Variants in LDB3 observed in about 807,000 individuals in gnomAD.
LDB3 encodes LIM domain binding 3, also known as LIM domain-binding protein 3.
LDB3 carries 49 observed loss-of-function variants against 69.0 expected under a neutral mutation model. The ratio of observed to expected loss-of-function variants is 0.71; its 90% CI spans 0.56 to 0.90. LDB3 has a LOEUF of 0.90. Ranked by LOEUF, LDB3 falls within the 40% of genes least tolerant of loss-of-function variation. The probability of loss-of-function intolerance (pLI) is 0.00; values close to 1 mark genes in which losing one functional copy is unlikely to be tolerated. For missense variants in LDB3, 928 were observed against 974.1 expected, an observed-to-expected ratio of 0.95 and a Z score of 0.63; for synonymous variants, 387 against 396.2, an observed-to-expected ratio of 0.98 and a Z score of 0.28.
intron 5 of LDB3, among the ~76,000 whole-genome samples, chr10:86,690,745 AG>A (rs1444666044): frequency 6.6e-6 from 1 of 152,264 alleles, no homozygotes; most frequent in Non-Finnish European, 1.5e-5. Flanking sequence ...GCATCTTTCC[AG>A]GCATAGGTCC....
intron 12 of LDB3, among the ~76,000 whole-genome samples, chr10:86,722,800 C>T (rs1023710583): frequency 2.0e-5 from 3 of 151,372 alleles, no homozygotes; most frequent in African/African-American, 7.3e-5. Context: ...AACTCCTGAC[C>T]TCGTGATCTA....
chr10:86,679,243 G>T, intron 2 of LDB3, 124 bp from the exon 3 acceptor site: 3 of 1,185,658 alleles, frequency 2.5e-6, no homozygotes, highest in Non-Finnish European at 3.7e-6. Flanking sequence ...GGTACTGGCC[G>T]TAGCGAATGA....
At chr10:86,696,141 T>TC (rs2048571061) in intron 7 of LDB3, among the ~76,000 whole-genome samples, 1 of 151,896 alleles carries the variant, frequency 6.6e-6, no homozygotes, top group Non-Finnish European at 1.5e-5. Context: ...GCTCACTGGC[T>TC]CCCCCTCTTC....
intron 13 of LDB3, among the ~76,000 whole-genome samples, chr10:86,727,126 T>G (rs1242519475): frequency 1.3e-5 from 2 of 151,858 alleles, no homozygotes; most frequent in African/African-American, 4.8e-5. Flanking sequence ...GTTCAAGCGA[T>G]TCTTCTGCTT....
At chr10:86,715,370 G>C (rs1439187977) in intron 9 of LDB3, among the ~76,000 whole-genome samples, 1 of 152,188 alleles carries the variant, frequency 6.6e-6, no homozygotes, top group African/African-American at 2.4e-5. Flanking sequence ...GCTGGACCTT[G>C]CCTGCAGGGT....
chr10:86,713,714 A>G (rs1049039829), intron 9 of LDB3, among the ~76,000 whole-genome samples: 3 of 152,190 alleles, frequency 2.0e-5, no homozygotes, highest in Admixed American at 6.5e-5. Context: ...TTCTTCCCCC[A>G]GCATTTTGAT....
At chr10:86,695,830 G>T (rs1382877939) in intron 7 of LDB3, among the ~76,000 whole-genome samples, 5 of 152,202 alleles carry the variant, frequency 3.3e-5, no homozygotes, top group Non-Finnish European at 5.9e-5. Flanking sequence ...GCTTGGATCT[G>T]CGAGGCATCT....
chr10:86,716,193 T>A, intron 9 of LDB3, 134 bp from the exon 10 acceptor site: 1 of 994,966 alleles, frequency 1.0e-6, no homozygotes, highest in South Asian at 1.4e-5. Flanking sequence ...CAGGAACAAG[T>A]CTCCCAAAAA....
In LDB3 at chr10:86,697,215, C is replaced by CTTTTTT. The variant is rs34215720; in HGVS notation, c.896+4663_896+4668dup. Among the ~76,000 whole-genome samples the CTTTTTT allele has an allele frequency of 1.8e-3, 141 of 77,818 alleles. 1 individual carries two copies. Among genetic ancestry groups the CTTTTTT allele is most frequent in the South Asian group, 4.2e-3 (7 of 1,684 alleles). The allele number at this position is 77,818 out of a possible 152,430, so 51.1% of individuals were successfully genotyped here. On this transcript the variant is annotated intron_variant, in intron 7 of 13. Coordinates refer to ENST00000361373, the MANE Select transcript of LDB3 (RefSeq NM_007078.3). ...CTGATTTTTATATGCTAGCAATTCA[C>CTTTTTT]TTTTTTTTTTTTTTTTTTTTTTTTG... is the stretch of plus-strand genomic sequence containing the variant.
At chr10:86,716,969 C>T (rs1846902041) in intron 10 of LDB3, among the ~76,000 whole-genome samples, 198 bp downstream of exon 10, 1 of 152,194 alleles carries the variant, frequency 6.6e-6, no homozygotes, top group South Asian at 2.1e-4. Flanking sequence ...CCCACTCTCC[C>T]AGGGAGCTGG....
At position 86,681,582 on chromosome 10, in the gene LDB3, C is replaced by T. The variant is rs374233873; in HGVS notation, c.468C>T (p.Ala156=). Residue 156 remains alanine (A), a synonymous_variant, in exon 5 of 14, where the codon GCC becomes GCT. Transcript: ENST00000361373. ...GGCCCTCCGCCTTCTCCTCACTCGCCGAGGCCTCTGACCCTGGCCCTCCGC... is the reference window on the plus strand; with the variant it reads ...GGCCCTCCGCCTTCTCCTCACTCGCTGAGGCCTCTGACCCTGGCCCTCCGC... ...FSRPSAFSSL[A]EASDPGPPRA... is the part of the protein sequence containing the mutation. The T allele has an allele frequency of 2.0e-5, 33 of 1,612,920 alleles. No homozygotes were observed. The highest frequency in any genetic ancestry group is 6.6e-5 in the South Asian group (6 of 91,082).
chr10:86,689,211 A>C (rs1297188038), intron 5 of LDB3, among the ~76,000 whole-genome samples: 1 of 151,938 alleles, frequency 6.6e-6, no homozygotes, highest in African/African-American at 2.4e-5. Context: ...CCCCTCTGCT[A>C]TCCCATGATG....
chr10:86,679,752 TG>T (rs1845008234), intron 3 of LDB3, among the ~76,000 whole-genome samples: 1 of 152,256 alleles, frequency 6.6e-6, no homozygotes, highest in African/African-American at 2.4e-5. Context: ...ATGGTGGTCC[TG>T]GTGCTGCCCG....
rs939286755 is a variant in LDB3, at chr10:86,669,839, C to T, written c.93+1055C>T. On this transcript the variant is annotated intron_variant, in intron 2 of 13. Transcript: ENST00000361373. ...TGGTAGGTAGGCAGGGGTATCTGGGCTACTGCCCACCAGGGGAACAAGGGG... is the reference window on the plus strand; with the variant it reads ...TGGTAGGTAGGCAGGGGTATCTGGGTTACTGCCCACCAGGGGAACAAGGGG... 9.2e-5 allele frequency among the ~76,000 whole-genome samples: 14 copies of T among 152,198 alleles called. No individual in the cohort carries two copies. In the South Asian group the frequency reaches 1.7e-3, roughly 18 times the overall value.
At chr10:86,670,731 G>T (rs939769710) in intron 2 of LDB3, among the ~76,000 whole-genome samples, 2 of 152,224 alleles carry the variant, frequency 1.3e-5, no homozygotes, top group Non-Finnish European at 2.9e-5. Context: ...CCCGAAGCTC[G>T]GGCAGGGCAC....
intron 7 of LDB3, among the ~76,000 whole-genome samples, chr10:86,693,349 G>A (rs1372404462): frequency 6.6e-6 from 1 of 152,216 alleles, no homozygotes; most frequent in East Asian, 1.9e-4. Context: ...TCATCTGCAT[G>A]TTCTTCCCGG....
At position 86,679,461 on chromosome 10, in the gene LDB3, T is replaced by C; in HGVS notation, c.188T>C (p.Leu63Pro). ...GTCAACACAGACACCATGACCCACC[T>C]GGAAGCCCAGAACAAGATCAAGTCT... ...DGVNTDTMTH[L>P]EAQNKIKSAS... Residue 63 changes from leucine (L) to proline (P), a missense_variant, in exon 3 of 14, where the codon CTG becomes CCG. Transcript: ENST00000361373. 6.2e-7 allele frequency: 1 copy of C among 1,614,152 alleles called. No homozygotes were observed. Among genetic ancestry groups the C allele is most frequent in the Non-Finnish European group, 8.5e-7 (1 of 1,180,038 alleles).
At chr10:86,673,494 G>T (rs1399654921) in intron 2 of LDB3, among the ~76,000 whole-genome samples, 1 of 152,012 alleles carries the variant, frequency 6.6e-6, no homozygotes, top group Non-Finnish European at 1.5e-5. Context: ...GCAGGGAGAG[G>T]CTTTTTGAGC....
intron 7 of LDB3, among the ~76,000 whole-genome samples, chr10:86,697,599 GC>G (rs1310477128): frequency 7.5e-6 from 1 of 133,188 alleles, no homozygotes; most frequent in Admixed American, 8.2e-5. Context: ...TGTCGCCCAG[GC>G]TGGAGTGCAG....
Sources: allele counts gnomAD v4.1 joint callset (sites outside exome capture counted in the v4.1 genomes callset), GRCh38; gene constraint gnomAD v4.1.1; transcripts MANE v1.5; gene names NCBI Gene and HGNC (gene_info 2026-07-23, HGNC 2026-07-21).